Variants in OPCML observed in about 807,000 individuals in gnomAD.
The protein encoded by OPCML is opioid-binding protein/cell adhesion molecule.
In OPCML, 13 loss-of-function variants were observed where a neutral mutation model predicts 37.8. The ratio of observed to expected loss-of-function variants is 0.34; its 90% CI spans 0.22 to 0.55. The LOEUF is 0.55. Ranked by LOEUF, OPCML falls within the 20% of genes least tolerant of loss-of-function variation. The pLI, the probability that OPCML is intolerant of heterozygous loss-of-function variation, is 0.91. For synonymous variants in OPCML, 176 were observed against 168.8 expected (o/e 1.04, Z -0.33); for missense variants, 341 against 435.6 (o/e 0.78, Z 1.93).
chr11:133,364,472 G>C (rs1269910618), intron 1 of OPCML, among the ~76,000 whole-genome samples: 2 of 152,138 alleles, frequency 1.3e-5, no homozygotes, highest in African/African-American at 4.8e-5. Flanking sequence ...GAAATTAATA[G>C]TTCAGGTCAG....
chr11:132,954,136 TTTTTTTGTTTGTTTTG>T (rs1945924583), intron 1 of OPCML, among the ~76,000 whole-genome samples: 1 of 127,208 alleles, frequency 7.9e-6, no homozygotes, highest in South Asian at 2.6e-4. Context: ...TTTTTGTTTG[TTTTTTTGTTTGTTTTG>T]TTTTTTGTTT....
chr11:132,882,388 G>A (rs1943252371), intron 2 of OPCML, among the ~76,000 whole-genome samples: 1 of 152,282 alleles, frequency 6.6e-6, no homozygotes, highest in African/African-American at 2.4e-5. Flanking sequence ...GATGGTGAGT[G>A]GTTCTAGAAC....
chr11:132,793,921 G>C (rs2136186756), intron 2 of OPCML, among the ~76,000 whole-genome samples: 1 of 152,314 alleles, frequency 6.6e-6, no homozygotes, highest in Non-Finnish European at 1.5e-5. Context: ...TGCATCTCCA[G>C]CTGCTGCTTC....
At position 132,416,025 on chromosome 11, in the gene OPCML, T is replaced by C. The variant is rs2095937407; in HGVS notation, c.*4168A>G. The C allele has an allele frequency of 1.3e-5, 2 of 152,570 alleles. No homozygotes were observed. Among genetic ancestry groups the C allele is most frequent in the South Asian group, 4.1e-4 (2 of 4,822 alleles). The allele number at this position is 152,570 out of a possible 1,614,324, so 9.5% of individuals were successfully genotyped here. A position where few individuals can be genotyped will look rare whatever the true frequency, so the allele number is the denominator to read the frequency against. On this transcript the variant is annotated 3_prime_UTR_variant, in exon 8 of 8. Coordinates refer to ENST00000524381, the MANE Select transcript of OPCML (RefSeq NM_001012393.5). ...AAAAAGACAGGGAAGCTCTGAATAA[T>C]AGGAGGGGAGGCAATTGGGTATAAG...
At chr11:133,463,761 A>T (rs955638360) in intron 1 of OPCML, among the ~76,000 whole-genome samples, 1 of 152,158 alleles carries the variant, frequency 6.6e-6, no homozygotes, top group South Asian at 2.1e-4. Flanking sequence ...AGTAGTTTAG[A>T]CCTTGGTTCT....
At chr11:132,560,559 T>G (rs934411736) in intron 3 of OPCML, among the ~76,000 whole-genome samples, 1 of 152,186 alleles carries the variant, frequency 6.6e-6, no homozygotes, top group Non-Finnish European at 1.5e-5. Context: ...TCATACATCT[T>G]TGTTTTCTCA....
intron 1 of OPCML, among the ~76,000 whole-genome samples, chr11:133,194,398 T>C (rs984792161): frequency 1.3e-5 from 2 of 151,996 alleles, no homozygotes; most frequent in African/African-American, 4.8e-5. Context: ...TTAGAAGATA[T>C]GGGGTTTCTC....
intron 4 of OPCML, among the ~76,000 whole-genome samples, chr11:132,457,680 T>C (rs531022198): frequency 1.3e-5 from 2 of 152,298 alleles, no homozygotes; most frequent in African/African-American, 4.8e-5. Context: ...TGAACCTTTG[T>C]TTCCCTTTCT....
intron 1 of OPCML, among the ~76,000 whole-genome samples, chr11:133,262,657 T>C (rs775850426): frequency 2.0e-5 from 3 of 152,212 alleles, no homozygotes; most frequent in Non-Finnish European, 4.4e-5. Context: ...ATGAATATCT[T>C]GAGCCCTCTC....
intron 2 of OPCML, among the ~76,000 whole-genome samples, chr11:132,848,635 T>C (rs1941661907): frequency 6.6e-6 from 1 of 152,198 alleles, no homozygotes; most frequent in Non-Finnish European, 1.5e-5. Flanking sequence ...GTATGCAGTT[T>C]TGAGTTTTAT....
chr11:132,886,988 A>G (rs11223262), intron 2 of OPCML, among the ~76,000 whole-genome samples: 17,591 of 152,142 alleles, frequency 0.12, 1,769 homozygotes, highest in African/African-American at 0.26. Flanking sequence ...TCAGAGCCCC[A>G]GTTTTATCAT....
intron 1 of OPCML, among the ~76,000 whole-genome samples, chr11:133,290,293 A>G (rs1348536138): frequency 1.3e-5 from 2 of 152,200 alleles, no homozygotes; most frequent in Non-Finnish European, 2.9e-5. Context: ...TCGTTCAACA[A>G]GAGCAGGCAA....
At chr11:133,079,864 G>A (rs1948682705) in intron 1 of OPCML, among the ~76,000 whole-genome samples, 2 of 152,240 alleles carry the variant, frequency 1.3e-5, no homozygotes, top group Admixed American at 1.3e-4. Flanking sequence ...CCATAATGAT[G>A]CCAGAGACAT....
At chr11:133,290,662 G>A (rs1942449909) in intron 1 of OPCML, among the ~76,000 whole-genome samples, 1 of 152,186 alleles carries the variant, frequency 6.6e-6, no homozygotes, top group South Asian at 2.1e-4. Context: ...GACAACAGAA[G>A]GAGGAGAGCA....
chr11:133,186,048 A>G (rs1938056851), intron 1 of OPCML, among the ~76,000 whole-genome samples: 1 of 152,054 alleles, frequency 6.6e-6, no homozygotes, highest in East Asian at 1.9e-4. Flanking sequence ...AACCAGAAAT[A>G]TATAGCCTCC....
intron 1 of OPCML, among the ~76,000 whole-genome samples, chr11:133,275,478 T>A (rs1445108569): frequency 6.6e-6 from 1 of 152,168 alleles, no homozygotes; most frequent in African/African-American, 2.4e-5. Flanking sequence ...GTTCTCCCAA[T>A]TGTTTTCATT....
chr11:133,077,723 CA>C (rs1374239931), intron 1 of OPCML, among the ~76,000 whole-genome samples: 1 of 151,600 alleles, frequency 6.6e-6, no homozygotes, highest in African/African-American at 2.4e-5. Flanking sequence ...TTTGTTTCTA[CA>C]AAGAAAATCT....
intron 2 of OPCML, among the ~76,000 whole-genome samples, chr11:132,804,369 G>A (rs1012739599): frequency 1.3e-5 from 2 of 152,190 alleles, no homozygotes; most frequent in Non-Finnish European, 2.9e-5. Context: ...TGGCAAACTA[G>A]AGAGGAGGCA....
intron 2 of OPCML, among the ~76,000 whole-genome samples, chr11:132,807,765 C>T (rs1939100857): frequency 6.6e-6 from 1 of 152,152 alleles, no homozygotes; most frequent in Non-Finnish European, 1.5e-5. Context: ...CTCAGAATTT[C>T]CACTCCCAGC....
Sources: gnomAD v4.1 joint callset for allele counts (sites outside exome capture counted in the v4.1 genomes callset) on GRCh38, gnomAD v4.1.1 for gene constraint, MANE v1.5 for transcripts, NCBI Gene and HGNC (gene_info 2026-07-23, HGNC 2026-07-21) for gene names.